Variants in DOC2A observed in about 807,000 individuals in gnomAD.
DOC2A encodes the protein double C2 domain alpha.
In DOC2A, 28 loss-of-function variants were observed where a neutral mutation model predicts 40.6. The observed-to-expected ratio is 0.69, with a 90% CI of 0.51 to 0.95. The LOEUF is 0.95. DOC2A is among the 40% of genes least tolerant of loss of function. DOC2A has a pLI of 0.00. For missense variants in DOC2A, 474 were observed against 552.5 expected (o/e 0.86, Z 1.42); for synonymous variants, 241 against 236.9 (o/e 1.02, Z -0.16).
rs1261851928 is a variant in DOC2A, at chr16:30,010,943, G to T, written c.-54C>A. The T allele has an allele frequency of 1.1e-5, 11 of 1,012,000 alleles. No homozygotes were observed. The East Asian group carries it at 1.1e-3, about 101-fold the overall frequency. 62.7% of individuals were successfully genotyped at this position (1,012,000 alleles called of 1,614,324 possible). On this transcript the variant is annotated 5_prime_UTR_variant, in exon 1 of 11. Coordinates refer to ENST00000350119, the MANE Select transcript of DOC2A (RefSeq NM_003586.3). This position sits in a 1 kb window ranked among gnomAD's most constrained non-coding sequence, Gnocchi z 4.2. ...GTGCCCAGGCACTGGGGGGACGGCG[G>T]GCGCAGGCTGGGCGGCGGCGGCCGG...
At chr16:30,013,412 C>G (rs1410256102), upstream of DOC2A, 4 of 149,874 alleles carry the variant, frequency 2.7e-5, no homozygotes, top group Admixed American at 2.7e-4. Context: ...ACTACAGGTG[C>G]CCGCCTCCAC....
chr16:30,009,931 C>G lies in DOC2A; in HGVS notation c.262+30G>C. 1 of 1,610,588 alleles carries G rather than the reference C, an allele frequency of 6.2e-7. No individual in the cohort carries two copies. Among genetic ancestry groups the G allele is most frequent in the Non-Finnish European group, 8.5e-7 (1 of 1,179,500 alleles). ...CGGCAAGCCTGGAGACCCCCACCAG[C>G]ACATGGGGCCTCCAAGCCCCCAGAC... On this transcript the variant is annotated intron_variant, in intron 2 of 10. Transcript: ENST00000350119. The surrounding 1 kb of genome is among the most constrained non-coding windows in gnomAD (Gnocchi z 4.1).
In DOC2A at chr16:30,009,851, T is replaced by A; in HGVS notation, c.262+110A>T. The A allele has an allele frequency of 4.6e-5, 44 of 954,244 alleles. No individual in the cohort carries two copies. Among genetic ancestry groups the A allele is most frequent in the Non-Finnish European group, 6.8e-5 (43 of 630,652 alleles). 59.1% of individuals were successfully genotyped at this position (954,244 alleles called of 1,614,324 possible). On this transcript the variant is annotated intron_variant, in intron 2 of 10. Coordinates refer to ENST00000350119, the MANE Select transcript of DOC2A (RefSeq NM_003586.3). This position sits in a 1 kb window ranked among gnomAD's most constrained non-coding sequence, Gnocchi z 4.1. ...CGTCCCTGCCACCCCCCCACTGCCCTCCTCCCCTACCTACATGCACAGCCA... is the reference window on the plus strand; with the variant it reads ...CGTCCCTGCCACCCCCCCACTGCCCACCTCCCCTACCTACATGCACAGCCA...
chr16:30,017,913 T>C (rs2070870178), intron 1 of DOC2A, among the ~76,000 whole-genome samples: 1 of 146,786 alleles, frequency 6.8e-6, no homozygotes, highest in African/African-American at 2.6e-5. Flanking sequence ...TGAGCTGAGA[T>C]CGTGCCACTG....
Position 30,010,197 on chromosome 16 carries a change from A to T in DOC2A, c.26T>A (p.Met9Lys). 1 of 1,613,968 alleles carries T rather than the reference A, an allele frequency of 6.2e-7. No homozygotes were observed. The highest frequency in any genetic ancestry group is 1.1e-5 in the South Asian group (1 of 91,084). The change falls in exon 2 of 11, where the codon ATG (methionine) becomes AAG (lysine). Residue 9 changes from methionine (M) to lysine (K), a missense_variant. By Grantham distance (95) the Met-to-Lys change is moderately conservative (BLOSUM62 -1). Transcript: ENST00000350119. The surrounding 1 kb of genome is among the most constrained non-coding windows in gnomAD (Gnocchi z 4.2). The stretch of plus-strand genomic sequence containing the variant: ...CATGTGCTCCTGGATGTTGATGGTC[A>T]TGCGATCGCCCCTGCGGCCCCTCAT... MRGRRGDR[M>K]TINIQEHMAI...
chr16:30,020,040 C>T (rs1247226648), intron 1 of DOC2A, among the ~76,000 whole-genome samples: 1 of 152,170 alleles, frequency 6.6e-6, no homozygotes, highest in Non-Finnish European at 1.5e-5. Flanking sequence ...TCCCGAGTAG[C>T]TGGGGCTACA....
upstream of DOC2A, chr16:30,013,622 A>AATAAAAAATAAAAAAT (rs1186474493): frequency 3.2e-4 from 45 of 141,602 alleles, 2 homozygotes; most frequent in Non-Finnish European, 4.4e-4. Context: ...AAAAAAAAAA[A>AATAAAAAATAAAAAAT]AAAAATCCTT....
chr16:30,018,660 T>A (rs72789301), intron 1 of DOC2A: 1 of 152,160 alleles, frequency 6.6e-6, no homozygotes, highest in Non-Finnish European at 1.5e-5. Flanking sequence ...GCCTTGGAGA[T>A]GTATTTGGAC....
chr16:30,010,059 TG>T lies in DOC2A; in HGVS notation c.163del (p.His55IlefsTer36), dbSNP rs990809017. 3 of 1,610,096 alleles carry T rather than the reference TG, an allele frequency of 1.9e-6. No homozygotes were observed. On this transcript the variant is annotated frameshift_variant, in exon 2 of 11. Transcript: ENST00000350119. LOFTEE classifies it high-confidence loss of function. This position sits in a 1 kb window ranked among gnomAD's most constrained non-coding sequence, Gnocchi z 4.2. ...GGGGGCCAGAGCCAGGGGGACCAGATGGGCGGGGGCCTCCCCGCCGCCCCCG... is the reference window on the plus strand; with the variant it reads ...GGGGGCCAGAGCCAGGGGGACCAGATGGCGGGGGCCTCCCCGCCGCCCCCG... ...GGGGGGEAPA[H>X]LVPLALAPPA...
At position 30,010,969 on chromosome 16, in the gene DOC2A, C is replaced by G. The variant is rs1022060359; in HGVS notation, c.-80G>C. On this transcript the variant is annotated 5_prime_UTR_variant, in exon 1 of 11. Transcript: ENST00000350119. The surrounding 1 kb of genome is among the most constrained non-coding windows in gnomAD (Gnocchi z 4.2). Reference sequence around the variant, plus strand: ...GCGCAGGCTGGGCGGCGGCGGCCGGCGAGGAGAGCGCGGAGTCGAGCTGTG... The same window carrying G: ...GCGCAGGCTGGGCGGCGGCGGCCGGGGAGGAGAGCGCGGAGTCGAGCTGTG... 9.9e-7 allele frequency: 1 copy of G among 1,009,260 alleles called. No homozygotes were observed. Among genetic ancestry groups the G allele is most frequent in the Non-Finnish European group, 1.2e-6 (1 of 844,796 alleles). The allele number at this position is 1,009,260 out of a possible 1,614,324, so 62.5% of individuals were successfully genotyped here.
Position 30,010,349 on chromosome 16 carries a change from C to A in DOC2A, c.-13-114G>T. 7.0e-7 allele frequency: 1 copy of A among 1,435,032 alleles called. No homozygotes were observed. Among genetic ancestry groups the A allele is most frequent in the South Asian group, 1.2e-5 (1 of 86,534 alleles). The allele number at this position is 1,435,032 out of a possible 1,614,324, so 88.9% of individuals were successfully genotyped here. ...CTCACTGGCCTCCCTTCCTAGGTGT[C>A]GAGGGAGAGGGTGGTGTGTGCCAGC... On this transcript the variant is annotated intron_variant, in intron 1 of 10. Transcript: ENST00000350119. The surrounding 1 kb of genome is among the most constrained non-coding windows in gnomAD (Gnocchi z 4.2).
upstream of DOC2A, chr16:30,012,171 G>A (rs934906821): frequency 6.6e-6 from 1 of 152,298 alleles, no homozygotes; most frequent in Non-Finnish European, 1.5e-5. Flanking sequence ...GACGGCTCAG[G>A]CCTAGGGATC....
In DOC2A at chr16:30,009,924, C is replaced by T. The variant is rs1177099584; in HGVS notation, c.262+37G>A. On this transcript the variant is annotated intron_variant, in intron 2 of 10. Transcript: ENST00000350119. The surrounding 1 kb of genome is among the most constrained non-coding windows in gnomAD (Gnocchi z 4.1). Reference sequence around the variant, plus strand: ...CCCACCACGGCAAGCCTGGAGACCCCCACCAGCACATGGGGCCTCCAAGCC... The same window carrying T: ...CCCACCACGGCAAGCCTGGAGACCCTCACCAGCACATGGGGCCTCCAAGCC... The T allele has an allele frequency of 6.2e-7, 1 of 1,610,392 alleles. No individual in the cohort carries two copies. The highest frequency in any genetic ancestry group is 8.5e-7 in the Non-Finnish European group (1 of 1,179,486).
At chr16:30,011,212 G>A, upstream of DOC2A, 1 of 722,350 alleles carries the variant, frequency 1.4e-6, no homozygotes, top group Non-Finnish European at 1.7e-6. Context: ...AGGGGCACGC[G>A]GACCGGCACA....
upstream of DOC2A, among the ~76,000 whole-genome samples, chr16:30,022,831 C>T (rs2070933149): frequency 6.6e-6 from 1 of 151,982 alleles, no homozygotes; most frequent in South Asian, 2.1e-4. Context: ...GGGATTTATC[C>T]AAAGCTGTAA....
rs748026208 is a variant in DOC2A, at chr16:30,007,272, C to T, written c.555G>A (p.Leu185=). The part of the protein sequence containing the change: ...LRIAVCDEDK[L]SHNEFIGEIR... ...TCTCCCCAATAAACTCATTGTGACT[C>T]AGCTTGTCCTCATCACAGACGGCGA... The change falls in exon 6 of 11, where the codon CTG becomes CTA. Residue 185 remains leucine, a synonymous_variant. Coordinates refer to ENST00000350119, the MANE Select transcript of DOC2A (RefSeq NM_003586.3). 1.1e-5 allele frequency: 18 copies of T among 1,614,022 alleles called. No homozygotes were observed. The highest frequency in any genetic ancestry group is 1.4e-5 in the Non-Finnish European group (17 of 1,180,038).
upstream of DOC2A, chr16:30,011,404 C>A (rs2070776745): frequency 1.0e-6 from 1 of 985,294 alleles, no homozygotes; most frequent in South Asian, 4.7e-5. Context: ...CCGCCAGAAT[C>A]GCCGGGTGTT....
chr16:30,020,954 C>T (rs956289274), intron 1 of DOC2A, among the ~76,000 whole-genome samples: 8 of 151,900 alleles, frequency 5.3e-5, no homozygotes, highest in African/African-American at 1.9e-4. Context: ...CCCAGGAGGT[C>T]GAGGCTGCAC....
Position 30,010,113 on chromosome 16 carries a change from G to C in DOC2A, c.110C>G (p.Pro37Arg). The change falls in exon 2 of 11, where the codon CCC becomes CGC. Residue 37 changes from proline (P) to arginine (R), a missense_variant. By Grantham distance (103) the Pro-to-Arg change is moderately radical (BLOSUM62 -2). Coordinates refer to ENST00000350119, the MANE Select transcript of DOC2A (RefSeq NM_003586.3). This position sits in a 1 kb window ranked among gnomAD's most constrained non-coding sequence, Gnocchi z 4.2. ...GCCCCCTTCAGGTCCTGGTCCCCGGGGGAAGTAGTCAGAGATCTGGCGGAT... is the reference window on the plus strand; with the variant it reads ...GCCCCCTTCAGGTCCTGGTCCCCGGCGGAAGTAGTCAGAGATCTGGCGGAT... ...RPIRQISDYFPRGPGPEGGGG... is the reference protein window; with the variant it reads ...RPIRQISDYFRRGPGPEGGGG... 6.2e-7 allele frequency: 1 copy of C among 1,613,572 alleles called. No individual in the cohort carries two copies. The highest frequency in any genetic ancestry group is 8.5e-7 in the Non-Finnish European group (1 of 1,179,730).
Sources: gnomAD v4.1 joint callset for allele counts (sites outside exome capture counted in the v4.1 genomes callset) on GRCh38, gnomAD v4.1.1 for gene constraint, Gnocchi (gnomAD v3.1) non-coding constraint, MANE v1.5 for transcripts, NCBI Gene and HGNC (gene_info 2026-07-23, HGNC 2026-07-21) for gene names.